The following SEMA5A variants were observed in gnomAD, a reference collection of about 807,000 sequenced individuals.
SEMA5A encodes the protein semaphorin-5A.
Under a neutral mutation model 135.5 loss-of-function variants are expected in SEMA5A, and 55 were observed. The ratio of observed to expected loss-of-function variants is 0.41; its 90% CI spans 0.33 to 0.51. SEMA5A has a LOEUF of 0.51. Among genes scored for constraint, SEMA5A ranks in the 20% least tolerant of loss-of-function variants. The pLI is 0.37. For synonymous variants in SEMA5A, 580 were observed against 546.5 expected, an observed-to-expected ratio of 1.06 and a Z score of -0.85; for missense variants, 1,290 against 1,419.9, an observed-to-expected ratio of 0.91 and a Z score of 1.47.
intron 5 of SEMA5A, among the ~76,000 whole-genome samples, chr5:9,263,805 G>A (rs977172586): frequency 3.9e-5 from 6 of 152,216 alleles, no homozygotes; most frequent in Admixed American, 6.5e-5. Context: ...TAAAGAAGAT[G>A]TTCTCATGGC....
chr5:9,231,406 A>T (rs1747621653), intron 6 of SEMA5A, among the ~76,000 whole-genome samples: 1 of 128,498 alleles, frequency 7.8e-6, no homozygotes, highest in Non-Finnish European at 1.6e-5. Context: ...GGCGGAGCTT[A>T]CAGTGAGCCA....
intron 3 of SEMA5A, among the ~76,000 whole-genome samples, chr5:9,338,932 TC>T (rs1459376094): frequency 2.0e-5 from 3 of 152,202 alleles, no homozygotes; most frequent in Non-Finnish European, 4.4e-5. Context: ...AATAAACATG[TC>T]TTTTCTCTAC....
intron 3 of SEMA5A, among the ~76,000 whole-genome samples, chr5:9,358,195 C>T (rs556530901): frequency 9.9e-5 from 15 of 152,116 alleles, no homozygotes; most frequent in Non-Finnish European, 2.2e-4. Flanking sequence ...GGTGCCTGGG[C>T]GCTCCAGTCA....
chr5:9,102,565 T>G (rs1739688505), intron 16 of SEMA5A, among the ~76,000 whole-genome samples: 1 of 152,160 alleles, frequency 6.6e-6, no homozygotes, highest in African/African-American at 2.4e-5. Context: ...ATGAAATGTA[T>G]CCTGAAAAAT....
At position 9,397,874 on chromosome 5, in the gene SEMA5A, T is replaced by C. The variant is rs79950860; in HGVS notation, c.-77-17851A>G. Reference sequence around the variant, plus strand: ...GACAGTGTCAAAGACAGCCCTTAATTATTTTTAAAATGACTAGAATTCTCA... The same window carrying C: ...GACAGTGTCAAAGACAGCCCTTAATCATTTTTAAAATGACTAGAATTCTCA... On this transcript the variant is annotated intron_variant, in intron 2 of 22. Transcript: ENST00000382496. Among the ~76,000 whole-genome samples, 416 of 152,252 alleles carry C rather than the reference T, an allele frequency of 2.7e-3. 1 individual carries two copies. Among genetic ancestry groups the C allele is most frequent in the African/African-American group, 9.6e-3 (399 of 41,540 alleles).
chr5:9,484,050 A>C (rs1391845846), intron 1 of SEMA5A, among the ~76,000 whole-genome samples: 1 of 152,250 alleles, frequency 6.6e-6, no homozygotes, highest in African/African-American at 2.4e-5. Context: ...CCCAGGAAGT[A>C]CTAAATCAAA....
Position 9,040,546 on chromosome 5 carries a change from AAGAG to A in SEMA5A, c.*2347_*2350del, listed in dbSNP as rs775725195. The A allele has an allele frequency of 3.9e-5, 6 of 152,110 alleles. No homozygotes were observed. The highest frequency in any genetic ancestry group is 3.3e-4 in the Admixed American group (5 of 15,276). 9.4% of individuals were successfully genotyped at this position (152,110 alleles called of 1,614,324 possible). ...CTAAACACTTGCTATTCTGTCAAAT[AAGAG>A]AGAGAGAGAAAGGAAGAGAGATAAA... On this transcript the variant is annotated 3_prime_UTR_variant, in exon 23 of 23. Transcript: ENST00000382496.
At chr5:9,231,150 G>A (rs561230175) in intron 6 of SEMA5A, among the ~76,000 whole-genome samples, 1 of 152,094 alleles carries the variant, frequency 6.6e-6, no homozygotes, top group Non-Finnish European at 1.5e-5. Context: ...TTTGGGAATT[G>A]GACAGTCAAT....
chr5:9,126,790 C>A (rs1741138982), intron 13 of SEMA5A, among the ~76,000 whole-genome samples: 1 of 152,150 alleles, frequency 6.6e-6, no homozygotes, highest in Non-Finnish European at 1.5e-5. Flanking sequence ...AGCTTTTGGT[C>A]AGCTGAAGTG....
At chr5:9,352,378 C>A (rs996531799) in intron 3 of SEMA5A, among the ~76,000 whole-genome samples, 1 of 151,926 alleles carries the variant, frequency 6.6e-6, no homozygotes, top group African/African-American at 2.4e-5. Context: ...AGCTAGCTAT[C>A]GTCTATCTAT....
intron 5 of SEMA5A, among the ~76,000 whole-genome samples, chr5:9,295,015 C>A (rs1751262058): frequency 1.3e-5 from 2 of 152,204 alleles, no homozygotes; most frequent in Admixed American, 6.5e-5. Flanking sequence ...CCTACACATC[C>A]AGACCCTCAA....
At chr5:9,412,591 A>ATTTTTTTTT (rs201599831) in intron 2 of SEMA5A, among the ~76,000 whole-genome samples, 12 of 110,338 alleles carry the variant, frequency 1.1e-4, no homozygotes, top group African/African-American at 1.8e-4. Flanking sequence ...CAGATTTTGC[A>ATTTTTTTTT]TTTTTTTTTT....
At chr5:9,081,464 A>T (rs537081747) in intron 16 of SEMA5A, among the ~76,000 whole-genome samples, 2 of 152,202 alleles carry the variant, frequency 1.3e-5, no homozygotes, top group Non-Finnish European at 2.9e-5. Context: ...ATAGACATAG[A>T]TAGAGATATA....
chr5:9,504,302 A>G (rs1480184583), intron 1 of SEMA5A, among the ~76,000 whole-genome samples: 1 of 152,174 alleles, frequency 6.6e-6, no homozygotes, highest in East Asian at 1.9e-4. Context: ...TCTTCTTGCT[A>G]ATATTATAAA....
At chr5:9,091,237 T>G (rs1739015827) in intron 16 of SEMA5A, among the ~76,000 whole-genome samples, 3 of 152,254 alleles carry the variant, frequency 2.0e-5, no homozygotes, top group Admixed American at 2.0e-4. Context: ...ATTACTTTTC[T>G]TTCCCCACAA....
chr5:9,304,629 T>C (rs1751774026), intron 5 of SEMA5A, among the ~76,000 whole-genome samples: 2 of 152,220 alleles, frequency 1.3e-5, no homozygotes, highest in South Asian at 4.1e-4. Flanking sequence ...TTGTAACTAA[T>C]AATATTTTAC....
chr5:9,192,217 G>C (rs1478117559), intron 10 of SEMA5A, among the ~76,000 whole-genome samples: 2 of 152,258 alleles, frequency 1.3e-5, no homozygotes, highest in Non-Finnish European at 2.9e-5. Flanking sequence ...TCAGGTGAGT[G>C]GCAGCTGTCC....
In SEMA5A at chr5:9,078,237, T is replaced by C. The variant is rs576699965; in HGVS notation, c.2074-11591A>G. ...TGCCTGTCCTTTGGGAAACGTTTCC[T>C]TCTCAAGCTAACAATTGAAATCGGT... On this transcript the variant is annotated intron_variant, in intron 16 of 22. Transcript: ENST00000382496. Among the ~76,000 whole-genome samples, 12 of 152,348 alleles carry C rather than the reference T, an allele frequency of 7.9e-5. No homozygotes were observed. The South Asian group carries it at 1.2e-3, about 16-fold the overall frequency.
In SEMA5A at chr5:9,525,778, C is replaced by A. The variant is rs139012104; in HGVS notation, c.-175+19806G>T. On this transcript the variant is annotated intron_variant, in intron 1 of 22. Coordinates refer to ENST00000382496, the MANE Select transcript of SEMA5A (RefSeq NM_003966.3). Reference sequence around the variant, plus strand: ...AGATCAAAATTCTTTGAACACCAGACTGAGAAATTGTATCTTTTTTTCTTT... The same window carrying A: ...AGATCAAAATTCTTTGAACACCAGAATGAGAAATTGTATCTTTTTTTCTTT... Among the ~76,000 whole-genome samples the A allele has an allele frequency of 2.2e-4, 33 of 152,308 alleles. No homozygotes were observed. The East Asian group carries it at 6.2e-3, about 28-fold the overall frequency.
Sources: allele counts gnomAD v4.1 joint callset (sites outside exome capture counted in the v4.1 genomes callset), GRCh38; gene constraint gnomAD v4.1.1; transcripts MANE v1.5; gene names NCBI Gene and HGNC (gene_info 2026-07-23, HGNC 2026-07-21).